Variants in SLC22A4 observed in about 807,000 individuals in gnomAD.
SLC22A4 encodes the protein ET transporter.
Under a neutral mutation model 56.6 loss-of-function variants are expected in SLC22A4, and 39 were observed. That is an observed-to-expected ratio of 0.69 (90% CI 0.53 to 0.90). The LOEUF is 0.90. Among genes scored for constraint, SLC22A4 ranks in the 40% least tolerant of loss-of-function variants. SLC22A4 has a pLI of 0.00. For synonymous variants in SLC22A4, 241 were observed against 281.4 expected (o/e 0.86, Z 1.44); for missense variants, 594 against 696.5 (o/e 0.85, Z 1.66).
In SLC22A4 at chr5:132,327,261, T is replaced by A. The variant is rs749097547; in HGVS notation, c.825-16T>A. 36 of 1,518,890 alleles carry A rather than the reference T, an allele frequency of 2.4e-5. No homozygotes were observed. Among genetic ancestry groups the A allele is most frequent in the Non-Finnish European group, 3.0e-5 (34 of 1,124,456 alleles). 94.1% of individuals were successfully genotyped at this position (1,518,890 alleles called of 1,614,324 possible). On this transcript the variant is annotated splice_polypyrimidine_tract_variant and intron_variant, in intron 4 of 9. Transcript: ENST00000200652. Reference sequence around the variant, plus strand: ...GCTGTTGTGAAAAATTATTAAATATTAAAAATAAATTATAGGTTCATTCCT... The same window carrying A: ...GCTGTTGTGAAAAATTATTAAATATAAAAAATAAATTATAGGTTCATTCCT...
intron 3 of SLC22A4, among the ~76,000 whole-genome samples, chr5:132,319,138 C>T (rs952134990): frequency 5.3e-5 from 8 of 152,012 alleles, no homozygotes. Context: ...CCCGTCTCTA[C>T]TAAAAATACA....
chr5:132,311,298 T>TTA (rs1180064893), intron 1 of SLC22A4: 2 of 152,230 alleles, frequency 1.3e-5, no homozygotes, highest in Non-Finnish European at 2.9e-5. Context: ...GTTTGTTTAT[T>TTA]TATTTGTTTT....
At chr5:132,336,111 A>G (rs1386584822) in intron 8 of SLC22A4, 111 bp downstream of exon 8, 2 of 1,107,090 alleles carry the variant, frequency 1.8e-6, no homozygotes, top group African/African-American at 1.5e-5. Flanking sequence ...AAAAAAGTAC[A>G]AGTTCACCTC....
chr5:132,314,746 T>C (rs1461850045), intron 3 of SLC22A4, among the ~76,000 whole-genome samples: 1 of 152,260 alleles, frequency 6.6e-6, no homozygotes, highest in Non-Finnish European at 1.5e-5. Context: ...GATGCTGCAC[T>C]GTCTTAATTG....
In SLC22A4 at chr5:132,294,629, G is replaced by A. The variant is rs1749730385; in HGVS notation, c.13G>A (p.Asp5Asn). The change falls in exon 1 of 10, where the codon GAC (aspartate) becomes AAC (asparagine). Residue 5 changes from aspartate to asparagine, a missense_variant. Transcript: ENST00000200652. The surrounding 1 kb of genome is among the most constrained non-coding windows in gnomAD (Gnocchi z 5.6). ...GGCAGTGGGAAGCATGCGGGACTAC[G>A]ACGAGGTGATCGCCTTCCTGGGCGA... Reference protein sequence around the residue: MRDYDEVIAFLGEWG... With the variant: MRDYNEVIAFLGEWG... The A allele has an allele frequency of 1.9e-6, 3 of 1,614,184 alleles. No homozygotes were observed. Among genetic ancestry groups the A allele is most frequent in the Middle Eastern group, 1.6e-4 (1 of 6,062 alleles).
At chr5:132,313,144 G>A (rs575143680) in intron 2 of SLC22A4, among the ~76,000 whole-genome samples, 2 of 152,330 alleles carry the variant, frequency 1.3e-5, no homozygotes, top group Admixed American at 1.3e-4. Flanking sequence ...AATCTTGGGA[G>A]GTGGGGTGCT....
At chr5:132,300,340 A>G (rs1749882365) in intron 1 of SLC22A4, among the ~76,000 whole-genome samples, 1 of 152,208 alleles carries the variant, frequency 6.6e-6, no homozygotes, top group South Asian at 2.1e-4. Flanking sequence ...AAATATCTTA[A>G]GGGAGGTTCT....
At chr5:132,314,566 T>C (rs771895018) in intron 3 of SLC22A4, among the ~76,000 whole-genome samples, 4 of 152,186 alleles carry the variant, frequency 2.6e-5, no homozygotes, top group Non-Finnish European at 5.9e-5. Flanking sequence ...AGGGTGATAA[T>C]ATATTCTAGG....
chr5:132,332,806 T>C (rs2126735096), intron 6 of SLC22A4, among the ~76,000 whole-genome samples: 1 of 151,560 alleles, frequency 6.6e-6, no homozygotes, highest in Admixed American at 6.6e-5. Flanking sequence ...CTGCAGCTAA[T>C]CTAAGTTTAT....
intron 1 of SLC22A4, among the ~76,000 whole-genome samples, chr5:132,309,287 C>G (rs554939453): frequency 6.6e-6 from 1 of 152,216 alleles, no homozygotes; most frequent in African/African-American, 2.4e-5. Flanking sequence ...ACCATAACTC[C>G]CCAAAGGAGA....
chr5:132,329,913 G>A (rs910266823), intron 5 of SLC22A4, among the ~76,000 whole-genome samples: 1 of 152,192 alleles, frequency 6.6e-6, no homozygotes, highest in Non-Finnish European at 1.5e-5. Flanking sequence ...GCCCAGGGAG[G>A]AACCTGGCAA....
intron 6 of SLC22A4, chr5:132,332,264 T>TGA: frequency 6.9e-6 from 2 of 288,034 alleles, no homozygotes; most frequent in Non-Finnish European, 1.4e-5. Flanking sequence ...CAGTGAGCCT[T>TGA]GATCGCACTA....
At chr5:132,313,101 T>G (rs1750230456) in intron 2 of SLC22A4, among the ~76,000 whole-genome samples, 2 of 152,210 alleles carry the variant, frequency 1.3e-5, no homozygotes, top group South Asian at 4.1e-4. Flanking sequence ...CTGGGAAACT[T>G]TCCCAAATCC....
intron 9 of SLC22A4, 133 bp from the exon 10 acceptor site, chr5:132,343,627 G>T: frequency 1.5e-6 from 1 of 655,770 alleles, no homozygotes. Context: ...TACACCATGA[G>T]GTTCTCATTA....
At chr5:132,328,807 G>T (rs980773793) in intron 5 of SLC22A4, among the ~76,000 whole-genome samples, 1 of 142,962 alleles carries the variant, frequency 7.0e-6, no homozygotes, top group African/African-American at 2.6e-5. Flanking sequence ...TAAAACACAT[G>T]GTTCTGGCAG....
rs755692083 is a variant in SLC22A4, at chr5:132,334,939, A to G, written c.1261+7A>G. On this transcript the variant is annotated splice_region_variant and intron_variant, in intron 7 of 9. Coordinates refer to ENST00000200652, the MANE Select transcript of SLC22A4 (RefSeq NM_003059.3). Reference sequence around the variant, plus strand: ...ATTCAACTGGTACCTGTGGGTAAGAAGTTAACCAAGATGAACAGCTTACCA... The same window carrying G: ...ATTCAACTGGTACCTGTGGGTAAGAGGTTAACCAAGATGAACAGCTTACCA... 3.8e-6 allele frequency: 6 copies of G among 1,594,906 alleles called. No homozygotes were observed. The South Asian group carries it at 6.6e-5, about 18-fold the overall frequency.
intron 8 of SLC22A4, among the ~76,000 whole-genome samples, chr5:132,339,438 C>T (rs1482480629): frequency 1.3e-5 from 2 of 149,938 alleles, no homozygotes; most frequent in Non-Finnish European, 3.0e-5. Flanking sequence ...AGACACACCT[C>T]ATCAATTGGG....
chr5:132,311,976 C>T, intron 1 of SLC22A4, 185 bp from the exon 2 acceptor site: 1 of 669,940 alleles, frequency 1.5e-6, no homozygotes, highest in Non-Finnish European at 2.7e-6. Flanking sequence ...GGTTACTCTC[C>T]CCAGTCCCGG....
Position 132,294,782 on chromosome 5 carries a change from G to A in SLC22A4, c.166G>A (p.Ala56Thr), listed in dbSNP as rs747505093. 3 of 1,613,300 alleles carry A rather than the reference G, an allele frequency of 1.9e-6. No homozygotes were observed. Among genetic ancestry groups the A allele is most frequent in the Non-Finnish European group, 2.5e-6 (3 of 1,180,010 alleles). ...PEHRCRVPDA[A>T]NLSSAWRNNS... ...GCACCGCTGTCGAGTGCCGGACGCC[G>A]CGAACCTGAGCAGCGCCTGGCGCAA... Residue 56 changes from alanine (A) to threonine (T), a missense_variant, in exon 1 of 10, where the codon GCG becomes ACG. Coordinates refer to ENST00000200652, the MANE Select transcript of SLC22A4 (RefSeq NM_003059.3). The surrounding 1 kb of genome is among the most constrained non-coding windows in gnomAD (Gnocchi z 5.6).
Sources: allele counts gnomAD v4.1 joint callset (sites outside exome capture counted in the v4.1 genomes callset), GRCh38; gene constraint gnomAD v4.1.1; non-coding constraint Gnocchi (gnomAD v3.1); transcripts MANE v1.5; gene names NCBI Gene and HGNC (gene_info 2026-07-23, HGNC 2026-07-21).